Variants in PTN observed in about 807,000 individuals in gnomAD.
The protein encoded by PTN is heparin affin regulatory protein.
In PTN, 18 loss-of-function variants were observed where a neutral mutation model predicts 24.1. That is an observed-to-expected ratio of 0.75 (90% CI 0.52 to 1.11). The LOEUF is 1.11. Ranked by LOEUF, PTN falls within the 50% of genes least tolerant of loss-of-function variation. The pLI is 0.00. For missense variants in PTN, 163 were observed against 198.8 expected (o/e 0.82, Z 1.08); for synonymous variants, 78 against 68.6 (o/e 1.14, Z -0.67).
intron 1 of PTN, among the ~76,000 whole-genome samples, chr7:137,338,959 T>C (rs1406320286): frequency 6.6e-6 from 1 of 151,766 alleles, no homozygotes; most frequent in African/African-American, 2.4e-5. Context: ...TACTAAAGCA[T>C]TTGGAGAGGA....
chr7:137,271,787 G>A (rs973988733), intron 1 of PTN, among the ~76,000 whole-genome samples: 16 of 152,322 alleles, frequency 1.1e-4, no homozygotes, highest in African/African-American at 3.6e-4. Context: ...AGAGCTGAGT[G>A]AGAATCACAA....
At chr7:137,285,975 T>C (rs1809547441) in intron 1 of PTN, among the ~76,000 whole-genome samples, 1 of 152,256 alleles carries the variant, frequency 6.6e-6, no homozygotes, top group Non-Finnish European at 1.5e-5. Flanking sequence ...CTTGGTTATC[T>C]GGTTTTCACA....
At chr7:137,304,460 AAG>A (rs1012120617) in intron 1 of PTN, among the ~76,000 whole-genome samples, 12 of 151,884 alleles carry the variant, frequency 7.9e-5, no homozygotes, top group South Asian at 6.2e-4. Context: ...CCATCAAAAA[AAG>A]AGAGAGAAAA....
chr7:137,334,658 A>G (rs1202137848), intron 1 of PTN, among the ~76,000 whole-genome samples: 1 of 133,568 alleles, frequency 7.5e-6, no homozygotes. Context: ...ATCTAGAACT[A>G]GAAATACCAT....
At chr7:137,254,802 T>G in intron 2 of PTN, 57 bp downstream of exon 2, 1 of 1,189,410 alleles carries the variant, frequency 8.4e-7, no homozygotes. Context: ...AGCAGGTAAT[T>G]AGACTAGATG....
chr7:137,334,616 AT>A (rs1810415759), intron 1 of PTN, among the ~76,000 whole-genome samples: 1 of 114,508 alleles, frequency 8.7e-6, no homozygotes, highest in Non-Finnish European at 1.9e-5. Context: ...TAGTTCAACC[AT>A]TGTGGAAGTC....
intron 1 of PTN, among the ~76,000 whole-genome samples, chr7:137,255,387 T>A (rs778500104): frequency 2.0e-5 from 3 of 152,210 alleles, no homozygotes; most frequent in Non-Finnish European, 4.4e-5. Flanking sequence ...GCAATGATAC[T>A]GCTGTACACA....
intron 4 of PTN, among the ~76,000 whole-genome samples, chr7:137,246,078 C>T (rs1808718348): frequency 6.6e-6 from 1 of 152,172 alleles, no homozygotes; most frequent in Admixed American, 6.5e-5. Context: ...CACTAATGTC[C>T]TATGCCTTCA....
At chr7:137,297,435 T>C (rs1809736201) in intron 1 of PTN, among the ~76,000 whole-genome samples, 1 of 152,064 alleles carries the variant, frequency 6.6e-6, no homozygotes, top group Non-Finnish European at 1.5e-5. Context: ...TGAGGATAAT[T>C]TCATGAATGC....
chr7:137,268,440 A>C (rs1308349501), intron 1 of PTN, among the ~76,000 whole-genome samples: 3 of 151,876 alleles, frequency 2.0e-5, no homozygotes, highest in Non-Finnish European at 4.4e-5. Context: ...CTAGCGTCTT[A>C]AAATCTGAGC....
rs566037649 is a variant in PTN at position 137,250,770 on chromosome 7, A to T, written c.451+460T>A. Among the ~76,000 whole-genome samples the T allele has an allele frequency of 8.5e-5, 13 of 152,356 alleles. No homozygotes were observed. In the South Asian group the frequency reaches 2.5e-3, roughly 29 times the overall value. ...TAAAGGCTCTGAAAACAAATGCAGA[A>T]CCCATTAAGTTATGCAGTGAATAAA... On this transcript the variant is annotated intron_variant, in intron 4 of 4. Transcript: ENST00000348225.
At chr7:137,236,706 C>A (rs1808528221) in intron 4 of PTN, among the ~76,000 whole-genome samples, 2 of 152,070 alleles carry the variant, frequency 1.3e-5, no homozygotes, top group African/African-American at 4.8e-5. Flanking sequence ...GAGCTTATTT[C>A]TGCAATAATG....
At chr7:137,324,433 A>AAAAAAAAATATATATATATAT in intron 1 of PTN, among the ~76,000 whole-genome samples, 3 of 88,762 alleles carry the variant, frequency 3.4e-5, no homozygotes, top group African/African-American at 2.1e-4. Context: ...AAAAAAAAAA[A>AAAAAAAAATATATATATATAT]ATATATATAT....
In PTN at chr7:137,253,576, A is replaced by C. The variant is rs756871777; in HGVS notation, c.177T>G (p.Ser59Arg). 6.2e-7 allele frequency: 1 copy of C among 1,609,754 alleles called. No individual in the cohort carries two copies. Among genetic ancestry groups the C allele is most frequent in the Non-Finnish European group, 8.5e-7 (1 of 1,177,636 alleles). ...EWQWSVCVPT[S>R]GDCGLGTREG... ...CCCGTGTGCCCAGCCCACAGTCTCCACTGGTGGGCACACACACACTCCACT... is the reference window on the plus strand; with the variant it reads ...CCCGTGTGCCCAGCCCACAGTCTCCCCTGGTGGGCACACACACACTCCACT... Residue 59 changes from serine to arginine, a missense_variant, in exon 3 of 5, where the codon AGT becomes AGG. Physicochemically the swap from Ser to Arg is moderately radical, Grantham distance 110. Transcript: ENST00000348225.
At chr7:137,235,077 A>G (rs2128867979) in intron 4 of PTN, among the ~76,000 whole-genome samples, 1 of 152,184 alleles carries the variant, frequency 6.6e-6, no homozygotes, top group Non-Finnish European at 1.5e-5. Flanking sequence ...GCATACCATC[A>G]AGACCACTGA....
At position 137,269,624 on chromosome 7, in the gene PTN, A is replaced by ATTTTTTTT. The variant is rs869311084; in HGVS notation, c.-1-14658_-1-14651dup. On this transcript the variant is annotated intron_variant, in intron 1 of 4. Transcript: ENST00000348225. Reference sequence around the variant, plus strand: ...TGCTATCTGTCAAGCTGCTTCATCTATTTTTTTTTTTTTTTTTTTTTTTTT... The same window carrying ATTTTTTTT: ...TGCTATCTGTCAAGCTGCTTCATCTATTTTTTTTTTTTTTTTTTTTTTTTTTTTTTTTT... Among the ~76,000 whole-genome samples the ATTTTTTTT allele has an allele frequency of 1.6e-3, 98 of 63,010 alleles. 23 individuals carry two copies. Among genetic ancestry groups the ATTTTTTTT allele is most frequent in the African/African-American group, 6.9e-3 (92 of 13,426 alleles). The allele number at this position is 63,010 out of a possible 152,430, so 41.3% of individuals were successfully genotyped here.
At chr7:137,231,182 G>T (rs1307976543) in intron 4 of PTN, among the ~76,000 whole-genome samples, 1 of 151,918 alleles carries the variant, frequency 6.6e-6, no homozygotes, top group African/African-American at 2.4e-5. Flanking sequence ...ATGGCACAGG[G>T]CCTTGTGTGT....
intron 4 of PTN, 25 bp downstream of exon 4, chr7:137,251,205 T>C: frequency 6.2e-7 from 1 of 1,610,084 alleles, no homozygotes; most frequent in East Asian, 2.2e-5. Context: ...TCCATTAAAA[T>C]TGTGGTATAA....
intron 1 of PTN, among the ~76,000 whole-genome samples, chr7:137,280,697 T>A (rs12707353): frequency 0.41 from 4,212 of 10,302 alleles, 330 homozygotes; most frequent in African/African-American, 0.51. Flanking sequence ...CTACTAAAAA[T>A]ACAAAAAAAA....
Sources: allele counts gnomAD v4.1 joint callset (sites outside exome capture counted in the v4.1 genomes callset), GRCh38; gene constraint gnomAD v4.1.1; transcripts MANE v1.5; gene names NCBI Gene and HGNC (gene_info 2026-07-23, HGNC 2026-07-21).